RALGAPA2: variants seen among roughly 807,000 people sequenced by gnomAD.
RALGAPA2 encodes the protein Ral GTPase activating protein catalytic subunit alpha 2.
In RALGAPA2, 139 loss-of-function variants were observed where a neutral mutation model predicts 230.4. That is an observed-to-expected ratio of 0.60 (90% CI 0.53 to 0.69). The LOEUF (loss-of-function observed/expected upper bound fraction) is 0.69, where lower values mean the gene tolerates loss of function less well. Among genes scored for constraint, RALGAPA2 ranks in the 30% least tolerant of loss-of-function variants. The pLI is 0.00. For synonymous variants in RALGAPA2, 847 were observed against 837.8 expected (o/e 1.01, Z -0.19); for missense variants, 2,163 against 2,276.0 (o/e 0.95, Z 1.01).
chr20:20,404,719 A>G (rs143816772), intron 38 of RALGAPA2, among the ~76,000 whole-genome samples: 1 of 152,370 alleles, frequency 6.6e-6, no homozygotes, highest in East Asian at 1.9e-4. Context: ...CAACTGCTAA[A>G]GCGTCCCCTG....
chr20:20,623,458 T>C (rs2066383462), intron 10 of RALGAPA2, among the ~76,000 whole-genome samples: 1 of 138,010 alleles, frequency 7.2e-6, no homozygotes, highest in Non-Finnish European at 1.6e-5. Flanking sequence ...GTATTGCAAC[T>C]AATAATTTTG....
At chr20:20,412,293 A>G (rs928268799) in intron 37 of RALGAPA2, 145 bp from the exon 38 acceptor site, 15 of 1,141,764 alleles carry the variant, frequency 1.3e-5, no homozygotes. Context: ...AAAATTAAGT[A>G]TTAGTCATAA....
chr20:20,596,100 T>C (rs2146150613), intron 16 of RALGAPA2, among the ~76,000 whole-genome samples: 1 of 152,182 alleles, frequency 6.6e-6, no homozygotes, highest in East Asian at 1.9e-4. Context: ...ATGTAGCTAT[T>C]CATATTAATG....
chr20:20,452,838 G>C (rs1354831119), intron 37 of RALGAPA2, among the ~76,000 whole-genome samples: 1 of 152,186 alleles, frequency 6.6e-6, no homozygotes, highest in East Asian at 1.9e-4. Flanking sequence ...TTAAAATGTT[G>C]CACTGAAATG....
At chr20:20,558,745 T>A (rs892521502) in intron 23 of RALGAPA2, among the ~76,000 whole-genome samples, 6 of 149,246 alleles carry the variant, frequency 4.0e-5, no homozygotes, top group African/African-American at 1.5e-4. Flanking sequence ...GAATGAACAC[T>A]AGAGAACATA....
In RALGAPA2 at chr20:20,430,789, C is replaced by A. The variant is rs79813643; in HGVS notation, c.5496-18641G>T. Among the ~76,000 whole-genome samples, 1,253 of 152,284 alleles carry A rather than the reference C, an allele frequency of 8.2e-3. 13 individuals carry two copies. Among genetic ancestry groups the A allele is most frequent in the African/African-American group, 0.027 (1,138 of 41,548 alleles). On this transcript the variant is annotated intron_variant, in intron 37 of 39. Transcript: ENST00000202677. ...TCACGTATGTACATCACTGGGATCA[C>A]CTGGTCTCAGTATATACTCTACGTA...
At chr20:20,515,670 C>G (rs951762214) in intron 31 of RALGAPA2, among the ~76,000 whole-genome samples, 3 of 152,222 alleles carry the variant, frequency 2.0e-5, no homozygotes, top group African/African-American at 7.2e-5. Context: ...TGCAGGCATT[C>G]TCAGTCTCCA....
intron 1 of RALGAPA2, among the ~76,000 whole-genome samples, chr20:20,682,971 T>C (rs977664788): frequency 1.3e-5 from 2 of 152,162 alleles, no homozygotes; most frequent in African/African-American, 4.8e-5. Context: ...CCAGCTGATT[T>C]CTCCACGTGA....
Position 20,679,461 on chromosome 20 carries a change from G to A in RALGAPA2, c.217+1230C>T, listed in dbSNP as rs73607419. Among the ~76,000 whole-genome samples the A allele has an allele frequency of 9.9e-5, 15 of 152,174 alleles. No individual in the cohort carries two copies. The East Asian group carries it at 2.5e-3, about 25-fold the overall frequency. Reference sequence around the variant, plus strand: ...TGGTGTTCTTGCCTCTGGTTCAATCGCTACTTTACAAGATACTTGTGATAG... The same window carrying A: ...TGGTGTTCTTGCCTCTGGTTCAATCACTACTTTACAAGATACTTGTGATAG... On this transcript the variant is annotated intron_variant, in intron 2 of 39. Coordinates refer to ENST00000202677, the MANE Select transcript of RALGAPA2 (RefSeq NM_020343.4).
intron 37 of RALGAPA2, among the ~76,000 whole-genome samples, chr20:20,428,935 G>A (rs900014840): frequency 3.9e-5 from 6 of 152,114 alleles, no homozygotes; most frequent in African/African-American, 1.4e-4. Flanking sequence ...GAGTATTATA[G>A]TATATTGGAG....
Position 20,679,945 on chromosome 20 carries a change from C to T in RALGAPA2, c.217+746G>A, listed in dbSNP as rs535443121. Among the ~76,000 whole-genome samples the T allele has an allele frequency of 4.6e-5, 7 of 152,230 alleles. No homozygotes were observed. In the South Asian group the frequency reaches 6.2e-4, roughly 14 times the overall value. On this transcript the variant is annotated intron_variant, in intron 2 of 39. Transcript: ENST00000202677. ...AGAGCTGTGGGGATTCAGATTCAGC[C>T]CACAGACTACATGAAAATGAAAGAA...
intron 23 of RALGAPA2, among the ~76,000 whole-genome samples, chr20:20,568,714 T>C (rs779299755): frequency 1.3e-5 from 2 of 152,180 alleles, no homozygotes; most frequent in Non-Finnish European, 2.9e-5. Flanking sequence ...AAGAACTTCA[T>C]GAAACAACCA....
chr20:20,468,718 G>A (rs1484580907), intron 37 of RALGAPA2, among the ~76,000 whole-genome samples: 1 of 151,762 alleles, frequency 6.6e-6, no homozygotes, highest in Non-Finnish European at 1.5e-5. Flanking sequence ...AAATGGCCCA[G>A]AGAGTTCTGT....
rs935926420 is a variant in RALGAPA2 at position 20,393,983 on chromosome 20, T to C, written c.*36-730A>G. Among the ~76,000 whole-genome samples the C allele has an allele frequency of 2.2e-4, 33 of 152,182 alleles. 1 individual carries two copies. Among genetic ancestry groups the C allele is most frequent in the Admixed American group, 1.8e-3 (27 of 15,276 alleles). On this transcript the variant is annotated intron_variant, in intron 39 of 39. Coordinates refer to ENST00000202677, the MANE Select transcript of RALGAPA2 (RefSeq NM_020343.4). ...GATCATTTCATCACCCTTCCCCTCG[T>C]AGTGTATTTTTAAACCCTGTTGTAT...
intron 2 of RALGAPA2, among the ~76,000 whole-genome samples, chr20:20,678,246 T>C (rs756833879): frequency 9.9e-5 from 15 of 152,218 alleles, no homozygotes; most frequent in Non-Finnish European, 1.8e-4. Flanking sequence ...TTTTTTAAGG[T>C]ACAGTGTCTT....
chr20:20,614,256 C>A (rs576123658), intron 13 of RALGAPA2, among the ~76,000 whole-genome samples: 6 of 152,224 alleles, frequency 3.9e-5, no homozygotes, highest in African/African-American at 1.4e-4. Flanking sequence ...CTTTTCTATA[C>A]TTTCACCTAG....
At chr20:20,500,758 C>G (rs1183828702) in intron 35 of RALGAPA2, among the ~76,000 whole-genome samples, 2 of 152,166 alleles carry the variant, frequency 1.3e-5, no homozygotes, top group Non-Finnish European at 1.5e-5. Flanking sequence ...TTTGCCAGAT[C>G]CATCAGAGAA....
intron 37 of RALGAPA2, among the ~76,000 whole-genome samples, chr20:20,445,795 G>T (rs1779350701): frequency 6.6e-6 from 1 of 152,096 alleles, no homozygotes; most frequent in Non-Finnish European, 1.5e-5. Context: ...AGTATGTAAA[G>T]AAGTATAATC....
intron 23 of RALGAPA2, among the ~76,000 whole-genome samples, chr20:20,567,833 C>A (rs373739000): frequency 1.4e-5 from 2 of 144,836 alleles, no homozygotes; most frequent in Non-Finnish European, 3.0e-5. Context: ...TGGAGCGATA[C>A]CCCATCTCTA....
Sources: gnomAD v4.1 joint callset for allele counts (sites outside exome capture counted in the v4.1 genomes callset) on GRCh38, gnomAD v4.1.1 for gene constraint, MANE v1.5 for transcripts, NCBI Gene and HGNC (gene_info 2026-07-23, HGNC 2026-07-21) for gene names.